Variants in OBP2B observed in about 807,000 individuals in gnomAD.
OBP2B encodes odorant-binding protein 2b.
OBP2B carries 10 observed loss-of-function variants against 21.7 expected under a neutral mutation model. That is an observed-to-expected ratio of 0.46 (90% CI 0.28 to 0.78). OBP2B has a LOEUF of 0.78. OBP2B is among the 30% of genes least tolerant of loss of function. OBP2B has a pLI of 0.11. For missense variants in OBP2B, 153 were observed against 217.7 expected, an observed-to-expected ratio of 0.70 and a Z score of 1.87; for synonymous variants, 73 against 91.5, an observed-to-expected ratio of 0.80 and a Z score of 1.16.
intron 4 of OBP2B, among the ~76,000 whole-genome samples, chr9:133,206,785 G>A (rs376108143): frequency 5.7e-4 from 87 of 151,998 alleles, no homozygotes; most frequent in African/African-American, 2.0e-3. Context: ...GACAGTGGCG[G>A]GGACTCTCCA....
chr9:133,206,550 G>A, intron 4 of OBP2B, 134 bp from the exon 5 acceptor site: 1 of 1,147,226 alleles, frequency 8.7e-7, no homozygotes, highest in Admixed American at 2.2e-5. Flanking sequence ...CAGAGCTCGG[G>A]GGTGGGGCTG....
chr9:133,215,808 G>T, the OBP2B span, among the ~76,000 whole-genome samples: 1 of 152,346 alleles, frequency 6.6e-6, no homozygotes, highest in East Asian at 1.9e-4. Context: ...TTTTTACAAA[G>T]ATGCAAAAGC....
At chr9:133,213,198 C>A (rs554693195), upstream of OBP2B, among the ~76,000 whole-genome samples, 1 of 152,140 alleles carries the variant, frequency 6.6e-6, no homozygotes, top group Non-Finnish European at 1.5e-5. Context: ...CAAGATAGTG[C>A]CACTGCACTC....
chr9:133,216,098 A>C, the OBP2B span, among the ~76,000 whole-genome samples: 1 of 152,098 alleles, frequency 6.6e-6, no homozygotes, highest in Non-Finnish European at 1.5e-5. Context: ...GACTTCATCA[A>C]AATAAAAACC....
chr9:133,207,808 TTCCCCATCCCTAACCCTCAGCC>T, intron 3 of OBP2B: 1 of 1,322,184 alleles, frequency 7.6e-7, no homozygotes, highest in Non-Finnish European at 1.0e-6. Flanking sequence ...AACCCTCAGC[TTCCCCATCCCTAACCCTCAGCC>T]TCCCCGTACC....
the OBP2B span, among the ~76,000 whole-genome samples, chr9:133,222,453 T>G: frequency 1.3e-5 from 2 of 152,238 alleles, no homozygotes; most frequent in Non-Finnish European, 2.9e-5. Context: ...TCAGGCTGGC[T>G]GCAGTGGCTC....
the OBP2B span, among the ~76,000 whole-genome samples, chr9:133,215,442 G>A: frequency 0.8 from 121,908 of 152,200 alleles, 49,505 homozygotes; most frequent in African/African-American, 0.91. Context: ...TGGAAAGGCA[G>A]AGGAACTAGA....
At chr9:133,222,115 T>C in the OBP2B span, among the ~76,000 whole-genome samples, 1 of 151,722 alleles carries the variant, frequency 6.6e-6, no homozygotes, top group South Asian at 2.1e-4. Context: ...AGTGTGTCAG[T>C]GCGTATGTGC....
At chr9:133,211,423 C>T (rs1316856125), upstream of OBP2B, among the ~76,000 whole-genome samples, 3 of 152,246 alleles carry the variant, frequency 2.0e-5, no homozygotes, top group African/African-American at 7.2e-5. Context: ...GTGACCCACG[C>T]TCTCGGCCCA....
upstream of OBP2B, among the ~76,000 whole-genome samples, chr9:133,210,254 A>G (rs563897883): frequency 1.3e-5 from 2 of 152,216 alleles, no homozygotes; most frequent in South Asian, 4.1e-4. Context: ...CCCAAGGCTG[A>G]CCCACGCTCT....
chr9:133,205,849 A>G, intron 6 of OBP2B, 68 bp downstream of exon 6: 2 of 1,611,166 alleles, frequency 1.2e-6, no homozygotes, highest in East Asian at 4.5e-5. Context: ...GCCAGAGCAG[A>G]TGTACCCTCG....
chr9:133,209,381 T>C (rs1442970424), upstream of OBP2B: 6 of 767,628 alleles, frequency 7.8e-6, no homozygotes, highest in Non-Finnish European at 1.3e-5. The surrounding 1 kb of genome is among the most constrained non-coding windows in gnomAD (Gnocchi z 6.0). Context: ...TCCTCATTGC[T>C]GGCATCTGGT....
the OBP2B span, among the ~76,000 whole-genome samples, chr9:133,220,436 T>C: frequency 6.6e-6 from 1 of 152,230 alleles, no homozygotes; most frequent in Non-Finnish European, 1.5e-5. Flanking sequence ...TCCTATTGAT[T>C]GCCAGTTCCC....
upstream of OBP2B, among the ~76,000 whole-genome samples, chr9:133,213,476 A>G (rs561037585): frequency 2.2e-4 from 34 of 152,342 alleles, no homozygotes; most frequent in African/African-American, 7.7e-4. Context: ...CGAAAGCAGA[A>G]AAACAACAGA....
chr9:133,205,765 G>A, intron 6 of OBP2B, 152 bp downstream of exon 6: 1 of 1,104,850 alleles, frequency 9.1e-7, no homozygotes, highest in South Asian at 1.4e-5. Context: ...AGGAACTGTG[G>A]GTGGGCAGAC....
intron 4 of OBP2B, among the ~76,000 whole-genome samples, chr9:133,206,646 C>A (rs1344815084): frequency 1.3e-5 from 2 of 150,916 alleles, no homozygotes; most frequent in Non-Finnish European, 3.0e-5. Context: ...GGGCCGGGGA[C>A]AGAAGAGATG....
chr9:133,210,013 G>A (rs1239427373), upstream of OBP2B, among the ~76,000 whole-genome samples: 7 of 152,040 alleles, frequency 4.6e-5, no homozygotes, highest in South Asian at 2.1e-4. Context: ...CCCCTCTCTC[G>A]TCAGCTTTGA....
At chr9:133,214,827 T>C in the OBP2B span, among the ~76,000 whole-genome samples, 4 of 152,254 alleles carry the variant, frequency 2.6e-5, no homozygotes, top group African/African-American at 9.6e-5. Context: ...TTACAAACGC[T>C]TTCTCCTTAA....
the OBP2B span, among the ~76,000 whole-genome samples, chr9:133,218,252 A>G: frequency 2.6e-5 from 4 of 152,326 alleles, no homozygotes; most frequent in South Asian, 8.3e-4. Context: ...GGGAACACAC[A>G]GCAGAGCAGC....
Sources: allele counts gnomAD v4.1 joint callset (sites outside exome capture counted in the v4.1 genomes callset), GRCh38; gene constraint gnomAD v4.1.1; non-coding constraint Gnocchi (gnomAD v3.1); transcripts MANE v1.5; gene names NCBI Gene and HGNC (gene_info 2026-07-23, HGNC 2026-07-21).